The following CERKL variants were observed in gnomAD, a reference collection of about 807,000 sequenced individuals.
The protein encoded by CERKL is ceramide kinase-like protein.
Under a neutral mutation model 63.4 loss-of-function variants are expected in CERKL, and 61 were observed. That is an observed-to-expected ratio of 0.96 (90% CI 0.78 to 1.19). The LOEUF (loss-of-function observed/expected upper bound fraction) is 1.19. CERKL is among the 50% of genes most tolerant of loss of function. CERKL has a pLI of 0.00. For synonymous variants in CERKL, 250 were observed against 230.5 expected, an observed-to-expected ratio of 1.08 and a Z score of -0.77; for missense variants, 675 against 655.5, an observed-to-expected ratio of 1.03 and a Z score of -0.33.
chr2:181,613,588 A>T (rs1686064995), intron 1 of CERKL, among the ~76,000 whole-genome samples: 2 of 152,226 alleles, frequency 1.3e-5, no homozygotes, highest in African/African-American at 4.8e-5. Flanking sequence ...TAAAAAGAAA[A>T]ACTGTAGGCT....
chr2:181,595,554 A>T (rs1422874669), intron 2 of CERKL, among the ~76,000 whole-genome samples: 1 of 152,214 alleles, frequency 6.6e-6, no homozygotes, highest in Non-Finnish European at 1.5e-5. Context: ...TAGGTATTGT[A>T]GAGTAACTGA....
chr2:181,641,718 G>A (rs1687450122), intron 1 of CERKL, among the ~76,000 whole-genome samples: 1 of 152,136 alleles, frequency 6.6e-6, no homozygotes, highest in Non-Finnish European at 1.5e-5. Flanking sequence ...GTACAATGCA[G>A]TTGCCACTTG....
Position 181,573,780 on chromosome 2 carries a change from G to A in CERKL, c.586C>T (p.Leu196Phe). Residue 196 changes from leucine (L) to phenylalanine (F), a missense_variant, in exon 3 of 13, where the codon CTT becomes TTT. Coordinates refer to ENST00000410087, the MANE Select transcript of CERKL (RefSeq NM_201548.5). ...GTTACATCAGTTTTTATTCCTGCAA[G>A]CTTCAACAGAGGTTCAACCTTCTCA... ...YYEKVEPLLK[L>F]AGIKTDVTIM... 1.9e-6 allele frequency: 3 copies of A among 1,612,424 alleles called. No individual in the cohort carries two copies. The highest frequency in any genetic ancestry group is 2.5e-6 in the Non-Finnish European group (3 of 1,178,960).
intron 1 of CERKL, among the ~76,000 whole-genome samples, chr2:181,610,506 A>G (rs1164611649): frequency 6.6e-6 from 1 of 152,244 alleles, no homozygotes; most frequent in Non-Finnish European, 1.5e-5. Flanking sequence ...ATGCTCTTCA[A>G]TAGGAGAATG....
intron 1 of CERKL, among the ~76,000 whole-genome samples, chr2:181,616,520 ATTC>A: frequency 6.6e-6 from 1 of 152,130 alleles, no homozygotes; most frequent in Non-Finnish European, 1.5e-5. Flanking sequence ...CCTAAATGTT[ATTC>A]TTTGAGCTTT....
chr2:181,579,011 C>T (rs546667398), intron 2 of CERKL, among the ~76,000 whole-genome samples: 5 of 152,044 alleles, frequency 3.3e-5, no homozygotes, highest in African/African-American at 1.2e-4. Flanking sequence ...AGCAGAGTTG[C>T]GACCAAAAGT....
chr2:181,618,266 AT>A (rs3060883), intron 1 of CERKL, among the ~76,000 whole-genome samples: 549 of 128,182 alleles, frequency 4.3e-3, no homozygotes, highest in African/African-American at 5.4e-3. Flanking sequence ...CTTACACAAT[AT>A]TTTTTTTTTT....
At chr2:181,576,544 A>C (rs968529556) in intron 2 of CERKL, among the ~76,000 whole-genome samples, 2 of 152,248 alleles carry the variant, frequency 1.3e-5, no homozygotes, top group African/African-American at 2.4e-5. Context: ...CCTTACAGGC[A>C]TTTACAAGGA....
chr2:181,553,729 C>T (rs903665753), intron 5 of CERKL, among the ~76,000 whole-genome samples: 2 of 152,112 alleles, frequency 1.3e-5, no homozygotes, highest in Non-Finnish European at 2.9e-5. Flanking sequence ...ATTGACTACT[C>T]ATTAATCTGT....
At chr2:181,560,572 A>C (rs955108658) in intron 4 of CERKL, among the ~76,000 whole-genome samples, 1 of 152,182 alleles carries the variant, frequency 6.6e-6, no homozygotes, top group African/African-American at 2.4e-5. Context: ...GTATTAACTC[A>C]TTTAAGTGGA....
chr2:181,654,801 T>C lies in CERKL; in HGVS notation c.238+1968A>G, dbSNP rs76746508. On this transcript the variant is annotated intron_variant, in intron 1 of 12. Coordinates refer to ENST00000410087, the MANE Select transcript of CERKL (RefSeq NM_201548.5). ...GTTTTTGTTTGTTTGTTGTGCTTTTTGAGATGGAGATTCACTCTTGTTGCC... is the reference window on the plus strand; with the variant it reads ...GTTTTTGTTTGTTTGTTGTGCTTTTCGAGATGGAGATTCACTCTTGTTGCC... Among the ~76,000 whole-genome samples the C allele has an allele frequency of 3.0e-3, 460 of 152,358 alleles. 4 individuals carry two copies. The highest frequency in any genetic ancestry group is 0.011 in the African/African-American group (439 of 41,578).
Position 181,577,644 on chromosome 2 carries a change from T to C in CERKL, c.482-3760A>G, listed in dbSNP as rs536367093. ...GGGTAGAGTAAAATGGTGTCTGGAG[T>C]TGAGGAGGGTTGGGGACAGTATCAG... is the stretch of plus-strand genomic sequence containing the variant. On this transcript the variant is annotated intron_variant, in intron 2 of 12. Coordinates refer to ENST00000410087, the MANE Select transcript of CERKL (RefSeq NM_201548.5). 4.6e-5 allele frequency among the ~76,000 whole-genome samples: 7 copies of C among 151,602 alleles called. No individual in the cohort carries two copies. The South Asian group carries it at 1.5e-3, about 32-fold the overall frequency.
intron 5 of CERKL, among the ~76,000 whole-genome samples, chr2:181,551,218 A>G (rs1687973961): frequency 6.6e-6 from 1 of 152,176 alleles, no homozygotes; most frequent in Non-Finnish European, 1.5e-5. Context: ...GGCTCCATGA[A>G]TGAATTGTCA....
At chr2:181,598,471 G>A (rs1038379798) in intron 2 of CERKL, among the ~76,000 whole-genome samples, 8 of 151,198 alleles carry the variant, frequency 5.3e-5, no homozygotes, top group Non-Finnish European at 2.9e-5. Context: ...CCCAACCAGC[G>A]ACCCCAAAGG....
At position 181,573,821 on chromosome 2, in the gene CERKL, G is replaced by C. The variant is rs1349460850; in HGVS notation, c.545C>G (p.Ala182Gly). 1.2e-6 allele frequency: 2 copies of C among 1,612,068 alleles called. No individual in the cohort carries two copies. Among genetic ancestry groups the C allele is most frequent in the Admixed American group, 1.7e-5 (1 of 59,930 alleles). The change falls in exon 3 of 13, where the codon GCT becomes GGT. Residue 182 changes from alanine to glycine, a missense_variant. Transcript: ENST00000410087. ...LLNPQSHKKE[A>G]TQVYYEKVEP... Reference sequence around the variant, plus strand: ...AACCTTCTCATAATAAACCTGGGTAGCTTCTTTTTTGTGACTTTGGGGGTT... The same window carrying C: ...AACCTTCTCATAATAAACCTGGGTACCTTCTTTTTTGTGACTTTGGGGGTT...
chr2:181,630,677 C>T (rs1686919768), intron 1 of CERKL, among the ~76,000 whole-genome samples: 2 of 152,162 alleles, frequency 1.3e-5, no homozygotes, highest in African/African-American at 4.8e-5. Flanking sequence ...CCAATGGCAC[C>T]TTGATTTTGG....
intron 1 of CERKL, among the ~76,000 whole-genome samples, chr2:181,633,399 T>C (rs539144227): frequency 4.3e-4 from 65 of 152,240 alleles, no homozygotes; most frequent in South Asian, 2.9e-3. Flanking sequence ...TAAAAGTAAA[T>C]TGTTCTAGTT....
At chr2:181,547,557 C>A (rs1050462376) in intron 10 of CERKL, 61 bp downstream of exon 10, 3 of 1,338,554 alleles carry the variant, frequency 2.2e-6, no homozygotes, top group East Asian at 2.3e-5. Flanking sequence ...TAATTGGATA[C>A]CCTGGAAAAA....
At chr2:181,630,774 T>C (rs1686923746) in intron 1 of CERKL, among the ~76,000 whole-genome samples, 1 of 152,226 alleles carries the variant, frequency 6.6e-6, no homozygotes, top group African/African-American at 2.4e-5. Flanking sequence ...TGTAGCAGAC[T>C]CCTATACTAT....
Sources: gnomAD v4.1 joint callset for allele counts (sites outside exome capture counted in the v4.1 genomes callset) on GRCh38, gnomAD v4.1.1 for gene constraint, MANE v1.5 for transcripts, NCBI Gene and HGNC (gene_info 2026-07-23, HGNC 2026-07-21) for gene names.